The following AGBL1 variants were observed in gnomAD, a reference collection of about 807,000 sequenced individuals.
AGBL1 encodes the protein cytosolic carboxypeptidase 4.
AGBL1 carries 130 observed loss-of-function variants against 118.9 expected under a neutral mutation model. The observed-to-expected ratio is 1.09, with a 90% confidence interval of 0.95 to 1.26. The LOEUF (loss-of-function observed/expected upper bound fraction) is 1.26. AGBL1 is among the 50% of genes most tolerant of loss of function. The pLI is 0.00. For synonymous variants in AGBL1, 555 were observed against 478.9 expected, an observed-to-expected ratio of 1.16 and a Z score of -2.08; for missense variants, 1,584 against 1,298.1, an observed-to-expected ratio of 1.22 and a Z score of -3.38.
At chr15:86,102,036 C>G (rs935635386) in intron 1 of AGBL1, among the ~76,000 whole-genome samples, 1 of 150,786 alleles carries the variant, frequency 6.6e-6, no homozygotes, top group African/African-American at 2.4e-5. Flanking sequence ...TTCTCTCTCT[C>G]TCTCTTTTTT....
At chr15:86,348,460 T>G (rs2080573874) in intron 17 of AGBL1, among the ~76,000 whole-genome samples, 1 of 152,284 alleles carries the variant, frequency 6.6e-6, no homozygotes, top group African/African-American at 2.4e-5. Flanking sequence ...CTGGAGACAC[T>G]TTTGATGATC....
At chr15:86,378,781 G>A (rs2081072683) in intron 17 of AGBL1, among the ~76,000 whole-genome samples, 1 of 152,142 alleles carries the variant, frequency 6.6e-6, no homozygotes, top group Non-Finnish European at 1.5e-5. Flanking sequence ...GTGGCAGGGC[G>A]AGGGTTCAGG....
intron 21 of AGBL1, among the ~76,000 whole-genome samples, chr15:86,623,210 ACAGT>A (rs1258466886): frequency 6.6e-6 from 1 of 152,124 alleles, no homozygotes; most frequent in African/African-American, 2.4e-5. Flanking sequence ...GCAAAGCAGG[ACAGT>A]CAGGGTGTGT....
chr15:86,412,703 A>G (rs534944008), intron 18 of AGBL1, among the ~76,000 whole-genome samples: 5 of 152,182 alleles, frequency 3.3e-5, no homozygotes, highest in Non-Finnish European at 7.4e-5. Flanking sequence ...TCGTCTACAC[A>G]TTTGAAATAT....
intron 23 of AGBL1, among the ~76,000 whole-genome samples, chr15:86,985,089 A>C (rs1289762005): frequency 6.6e-6 from 1 of 152,222 alleles, no homozygotes; most frequent in Non-Finnish European, 1.5e-5. Flanking sequence ...TTTTATTGCA[A>C]AATAGTAGTA....
chr15:86,740,875 T>C (rs1424230994), intron 22 of AGBL1, among the ~76,000 whole-genome samples: 2 of 152,080 alleles, frequency 1.3e-5, no homozygotes, highest in Non-Finnish European at 2.9e-5. Flanking sequence ...TGAATAGAAA[T>C]TGATAACTGG....
intron 17 of AGBL1, among the ~76,000 whole-genome samples, chr15:86,357,066 A>G (rs1315719640): frequency 6.6e-6 from 1 of 152,214 alleles, no homozygotes; most frequent in Non-Finnish European, 1.5e-5. Flanking sequence ...ATGAAAGAAC[A>G]TTTGAGGACT....
chr15:86,958,969 G>C (rs1471398020), intron 23 of AGBL1, among the ~76,000 whole-genome samples: 1 of 152,100 alleles, frequency 6.6e-6, no homozygotes, highest in Non-Finnish European at 1.5e-5. Flanking sequence ...TATTTGAAAT[G>C]TTAAAACACT....
chr15:86,336,844 G>C lies in AGBL1; in HGVS notation c.2374+41436G>C, dbSNP rs115460541. ...AAAGAGACAAATGAAAGGTGCTAGA[G>C]GCAAGCTCCTATGATGACACATGAT... is the stretch of plus-strand genomic sequence containing the variant. On this transcript the variant is annotated intron_variant, in intron 17 of 22. Coordinates refer to ENST00000614907, the MANE Select transcript of AGBL1 (RefSeq NM_001386094.1). Among the ~76,000 whole-genome samples, 1,369 of 152,284 alleles carry C rather than the reference G, an allele frequency of 9.0e-3. 25 individuals are homozygous for C. The highest frequency in any genetic ancestry group is 0.031 in the African/African-American group (1,302 of 41,546).
At chr15:86,891,285 C>A (rs1357480319) in intron 22 of AGBL1, among the ~76,000 whole-genome samples, 2 of 152,024 alleles carry the variant, frequency 1.3e-5, no homozygotes, top group African/African-American at 4.8e-5. Flanking sequence ...AGCTTTTGGG[C>A]TGGATGCTTT....
intron 18 of AGBL1, among the ~76,000 whole-genome samples, chr15:86,470,719 G>A (rs988008501): frequency 6.6e-6 from 1 of 151,698 alleles, no homozygotes; most frequent in Non-Finnish European, 1.5e-5. Context: ...TTTCATCAGT[G>A]TTTTATAGTT....
chr15:86,690,768 G>T (rs945063309), intron 22 of AGBL1, among the ~76,000 whole-genome samples: 1 of 152,066 alleles, frequency 6.6e-6, no homozygotes, highest in Non-Finnish European at 1.5e-5. Context: ...TTGGTTGGGT[G>T]GTTTTGTGTG....
intron 22 of AGBL1, among the ~76,000 whole-genome samples, chr15:86,755,356 A>G (rs950883439): frequency 6.6e-6 from 1 of 152,100 alleles, no homozygotes; most frequent in African/African-American, 2.4e-5. Context: ...ACAGCTGAGT[A>G]GCGGACAGAC....
At position 86,312,659 on chromosome 15, in the gene AGBL1, C is replaced by T. The variant is rs117291394; in HGVS notation, c.2374+17251C>T. On this transcript the variant is annotated intron_variant, in intron 17 of 22. Transcript: ENST00000614907. Reference sequence around the variant, plus strand: ...TGATTTTCTGTGGCTCATTGAGCAACGAGTCCAGGTGGCAGCTGTGGATTT... The same window carrying T: ...TGATTTTCTGTGGCTCATTGAGCAATGAGTCCAGGTGGCAGCTGTGGATTT... Among the ~76,000 whole-genome samples, 50 of 152,276 alleles carry T rather than the reference C, an allele frequency of 3.3e-4. No individual in the cohort carries two copies. In the East Asian group the frequency reaches 8.3e-3, roughly 25 times the overall value.
At chr15:86,821,812 G>A (rs1184468337) in intron 22 of AGBL1, among the ~76,000 whole-genome samples, 1 of 152,156 alleles carries the variant, frequency 6.6e-6, no homozygotes, top group Non-Finnish European at 1.5e-5. Flanking sequence ...TTAAGGTGCT[G>A]CTTCAGATTT....
intron 24 of AGBL1, among the ~76,000 whole-genome samples, chr15:87,005,879 A>G (rs1201397310): frequency 6.6e-6 from 1 of 151,822 alleles, no homozygotes; most frequent in Non-Finnish European, 1.5e-5. Context: ...TTTGGTGTGG[A>G]TATCTTTTCT....
intron 22 of AGBL1, among the ~76,000 whole-genome samples, chr15:86,817,250 C>G (rs56013114): frequency 0.047 from 6,865 of 144,612 alleles, 208 homozygotes; most frequent in Non-Finnish European, 0.075. Context: ...CAAGATAGTG[C>G]GATTGTACTC....
chr15:86,234,728 C>T (rs2078511779), intron 6 of AGBL1, among the ~76,000 whole-genome samples: 1 of 152,022 alleles, frequency 6.6e-6, no homozygotes, highest in Non-Finnish European at 1.5e-5. Flanking sequence ...CAGTACACTC[C>T]AAAGATAATT....
At chr15:86,990,340 C>G (rs2141739776) in intron 24 of AGBL1, among the ~76,000 whole-genome samples, 1 of 152,164 alleles carries the variant, frequency 6.6e-6, no homozygotes, top group East Asian at 1.9e-4. Context: ...CAAGGTGAAA[C>G]CCTGTCTGTA....
Sources: allele counts gnomAD v4.1 joint callset (sites outside exome capture counted in the v4.1 genomes callset), GRCh38; gene constraint gnomAD v4.1.1; transcripts MANE v1.5; gene names NCBI Gene and HGNC (gene_info 2026-07-23, HGNC 2026-07-21).